EVA1C: variants seen among roughly 807,000 people sequenced by gnomAD.
EVA1C encodes the protein protein eva-1 homolog C.
EVA1C carries 25 observed loss-of-function variants against 45.4 expected under a neutral mutation model. That is an observed-to-expected ratio of 0.55 (90% CI 0.40 to 0.77). EVA1C has a LOEUF of 0.77. EVA1C is among the 30% of genes least tolerant of loss of function. The pLI is 0.00. For missense variants in EVA1C, 479 were observed against 554.8 expected (o/e 0.86, Z 1.37); for synonymous variants, 190 against 221.2 (o/e 0.86, Z 1.25).
At chr21:32,414,735 A>C (rs994153442) in intron 1 of EVA1C, among the ~76,000 whole-genome samples, 1 of 152,136 alleles carries the variant, frequency 6.6e-6, no homozygotes, top group Non-Finnish European at 1.5e-5. Flanking sequence ...TGCTTTCCAT[A>C]CGAACCTAAA....
chr21:32,515,366 A>G lies in EVA1C; in HGVS notation c.*176A>G. 1 of 529,584 alleles carries G rather than the reference A, an allele frequency of 1.9e-6. No individual in the cohort carries two copies. Among genetic ancestry groups the G allele is most frequent in the Non-Finnish European group, 3.2e-6 (1 of 317,194 alleles). The allele number at this position is 529,584 out of a possible 1,614,324, so 32.8% of individuals were successfully genotyped here. On this transcript the variant is annotated 3_prime_UTR_variant, in exon 8 of 8. Transcript: ENST00000300255. ...TCAAGCTGTTTCTAGCACATTCCAA[A>G]ATAAATGAGGAGGGAAGAGTCTTTG...
chr21:32,494,901 A>ATT, intron 4 of EVA1C, 126 bp from the exon 5 acceptor site: 7 of 1,025,746 alleles, frequency 6.8e-6, no homozygotes, highest in Non-Finnish European at 7.1e-6. Context: ...GACAGAAAAT[A>ATT]AGCAGAGAAA....
Position 32,441,300 on chromosome 21 carries a change from G to A in EVA1C, c.161-12012G>A, listed in dbSNP as rs1463480092. Among the ~76,000 whole-genome samples the A allele has an allele frequency of 2.0e-5, 3 of 152,072 alleles. No individual in the cohort carries two copies. In the East Asian group the frequency reaches 5.8e-4, roughly 29 times the overall value. ...GGCAGGAGGTGTGCTGTCTTGCAGAGCAACCCGGAAAGGTCTGACTGATGA... is the reference window on the plus strand; with the variant it reads ...GGCAGGAGGTGTGCTGTCTTGCAGAACAACCCGGAAAGGTCTGACTGATGA... On this transcript the variant is annotated intron_variant, in intron 1 of 7. Transcript: ENST00000300255.
intron 1 of EVA1C, among the ~76,000 whole-genome samples, chr21:32,442,594 T>C (rs1322021413): frequency 6.6e-6 from 1 of 151,974 alleles, no homozygotes; most frequent in Non-Finnish European, 1.5e-5. Flanking sequence ...TTTTATTATT[T>C]GTTTATTTGT....
chr21:32,492,242 A>G (rs1473577612), intron 4 of EVA1C, among the ~76,000 whole-genome samples: 1 of 152,144 alleles, frequency 6.6e-6, no homozygotes, highest in Non-Finnish European at 1.5e-5. Flanking sequence ...CGGAAGTTCC[A>G]GAGATAGGGA....
At chr21:32,457,305 C>T (rs557468730) in intron 2 of EVA1C, among the ~76,000 whole-genome samples, 51 of 152,326 alleles carry the variant, frequency 3.3e-4, no homozygotes, top group Admixed American at 1.9e-3. Flanking sequence ...CCTGGAGCCT[C>T]GGCACTCAGT....
At chr21:32,492,704 CTTTT>C (rs1017721034) in intron 4 of EVA1C, among the ~76,000 whole-genome samples, 8 of 148,958 alleles carry the variant, frequency 5.4e-5, no homozygotes, top group African/African-American at 2.0e-4. Context: ...GGACAGTTTT[CTTTT>C]GTTTTTTTTT....
rs113913942 is a variant in EVA1C at position 32,452,491 on chromosome 21, G to A, written c.161-821G>A. ...GTAGAATTGGGTGTTTACAGCTCCCGAAGCCCCAGTGGGCATGTGTTACAG... is the reference window on the plus strand; with the variant it reads ...GTAGAATTGGGTGTTTACAGCTCCCAAAGCCCCAGTGGGCATGTGTTACAG... On this transcript the variant is annotated intron_variant, in intron 1 of 7. Coordinates refer to ENST00000300255, the MANE Select transcript of EVA1C (RefSeq NM_058187.5). The surrounding 1 kb of genome is among the most constrained non-coding windows in gnomAD (Gnocchi z 4.0). The A allele has an allele frequency of 7.2e-5, 11 of 152,354 alleles. No homozygotes were observed. The highest frequency in any genetic ancestry group is 2.2e-4 in the African/African-American group (9 of 41,566). The allele number at this position is 152,354 out of a possible 1,614,324, so 9.4% of individuals were successfully genotyped here. A position where few individuals can be genotyped will look rare whatever the true frequency, so the allele number is the denominator to read the frequency against.
At chr21:32,495,002 G>A (rs768388099) in intron 4 of EVA1C, 25 bp from the exon 5 acceptor site, 2 of 1,612,296 alleles carry the variant, frequency 1.2e-6, no homozygotes, top group Non-Finnish European at 1.7e-6. Context: ...GCAACCTGAA[G>A]TTCTGGGTGT....
intron 4 of EVA1C, among the ~76,000 whole-genome samples, chr21:32,479,847 C>CT (rs111331782): frequency 0.4 from 58,000 of 146,564 alleles, 11,674 homozygotes; most frequent in East Asian, 0.52. Flanking sequence ...CCCAGCTACT[C>CT]TTTTTTTTTT....
At chr21:32,513,551 C>CTTTTTTTTTTTTTTTT (rs1165725714) in intron 7 of EVA1C, among the ~76,000 whole-genome samples, 1 of 106,776 alleles carries the variant, frequency 9.4e-6, no homozygotes, top group African/African-American at 4.0e-5. Context: ...TTTTTCTTTT[C>CTTTTTTTTTTTTTTTT]TTTTTTTTTT....
At chr21:32,468,387 C>CAA (rs140254891) in intron 4 of EVA1C, among the ~76,000 whole-genome samples, 20,727 of 143,284 alleles carry the variant, frequency 0.14, 1,595 homozygotes, top group Admixed American at 0.21. Context: ...AACAAACAAA[C>CAA]AAACAAAAAA....
At chr21:32,421,913 C>T (rs1421250915) in intron 1 of EVA1C, among the ~76,000 whole-genome samples, 3 of 151,776 alleles carry the variant, frequency 2.0e-5, no homozygotes, top group African/African-American at 7.3e-5. Context: ...GGTGTGGTGG[C>T]GGGTGCCTGT....
At chr21:32,448,036 A>G (rs2035429617) in intron 1 of EVA1C, among the ~76,000 whole-genome samples, 2 of 152,054 alleles carry the variant, frequency 1.3e-5, no homozygotes, top group Non-Finnish European at 2.9e-5. Context: ...TTTCCGAACA[A>G]GCTTCTGTCC....
At chr21:32,443,753 T>TA (rs1395378126) in intron 1 of EVA1C, among the ~76,000 whole-genome samples, 1 of 152,212 alleles carries the variant, frequency 6.6e-6, no homozygotes, top group Non-Finnish European at 1.5e-5. Context: ...CTATTACAGA[T>TA]AACAATAACC....
chr21:32,448,226 C>A (rs2035436590), intron 1 of EVA1C, among the ~76,000 whole-genome samples: 1 of 152,222 alleles, frequency 6.6e-6, no homozygotes, highest in South Asian at 2.1e-4. Context: ...TGCTGTCACC[C>A]AGCAGCCCAT....
At chr21:32,478,440 C>T (rs1175018509) in intron 4 of EVA1C, among the ~76,000 whole-genome samples, 1 of 152,100 alleles carries the variant, frequency 6.6e-6, no homozygotes, top group South Asian at 2.1e-4. Context: ...AGGCTGGTCT[C>T]GAACTCCTGA....
At chr21:32,432,496 G>C (rs1339933933) in intron 1 of EVA1C, among the ~76,000 whole-genome samples, 2 of 152,142 alleles carry the variant, frequency 1.3e-5, no homozygotes, top group Non-Finnish European at 2.9e-5. Flanking sequence ...CCTGGCATTA[G>C]GATGAAGAGG....
chr21:32,496,918 T>C, intron 5 of EVA1C: 3 of 1,281,154 alleles, frequency 2.3e-6, no homozygotes, highest in Non-Finnish European at 3.4e-6. Flanking sequence ...TTTGTCTTAC[T>C]TGGCATTTGA....
Sources: gnomAD v4.1 joint callset for allele counts (sites outside exome capture counted in the v4.1 genomes callset) on GRCh38, gnomAD v4.1.1 for gene constraint, Gnocchi (gnomAD v3.1) non-coding constraint, MANE v1.5 for transcripts, NCBI Gene and HGNC (gene_info 2026-07-23, HGNC 2026-07-21) for gene names.